THSD4: variants seen among roughly 807,000 people sequenced by gnomAD.
THSD4 encodes thrombospondin type 1 domain containing 4, also known as thrombospondin type-1 domain-containing protein 4.
THSD4 carries 69 observed loss-of-function variants against 119.0 expected under a neutral mutation model. The observed-to-expected ratio is 0.58, with a 90% CI of 0.48 to 0.71. THSD4 has a LOEUF of 0.71. Ranked by LOEUF, THSD4 falls within the 30% of genes least tolerant of loss-of-function variation. The probability of loss-of-function intolerance (pLI) is 0.00; values close to 1 mark genes in which losing one functional copy is unlikely to be tolerated. For missense variants in THSD4, 1,393 were observed against 1,391.1 expected (o/e 1.00, Z -0.02); for synonymous variants, 524 against 540.4 (o/e 0.97, Z 0.42).
chr15:71,112,433 A>G, upstream of THSD4: 1 of 456,064 alleles, frequency 2.2e-6, no homozygotes, highest in Non-Finnish European at 3.7e-6. Context: ...CTGTCCCTTT[A>G]GGAGCTGCCT....
In THSD4 at chr15:71,294,048, C is replaced by T. The variant is rs547208014; in HGVS notation, c.1015+37333C>T. On this transcript the variant is annotated intron_variant, in intron 6 of 17. Transcript: ENST00000261862. ...GCCTTTGCTTTTCTTTGTATTTTTC[C>T]TGCTTTAGTCCATTTCCCTTCTAGC... is the stretch of plus-strand genomic sequence containing the variant. Among the ~76,000 whole-genome samples, 72 of 152,088 alleles carry T rather than the reference C, an allele frequency of 4.7e-4. 1 individual carries two copies. Among genetic ancestry groups the T allele is most frequent in the African/African-American group, 1.5e-3 (64 of 41,474 alleles).
chr15:71,154,776 A>G, intron 2 of THSD4, 87 bp from the exon 3 acceptor site: 1 of 1,334,876 alleles, frequency 7.5e-7, no homozygotes, highest in Non-Finnish European at 1.1e-6. Flanking sequence ...CCCCCCATCC[A>G]CTGATGAGAT....
At chr15:71,432,377 C>T (rs1157246379) in intron 7 of THSD4, among the ~76,000 whole-genome samples, 1 of 152,180 alleles carries the variant, frequency 6.6e-6, no homozygotes, top group Non-Finnish European at 1.5e-5. Flanking sequence ...GTGAAACAAT[C>T]ATTTGTTTAA....
chr15:71,188,218 T>C (rs920126839), intron 3 of THSD4, among the ~76,000 whole-genome samples: 1 of 152,044 alleles, frequency 6.6e-6, no homozygotes, highest in African/African-American at 2.4e-5. Flanking sequence ...CTGAGAGTGA[T>C]AGGGGAGGCT....
chr15:71,658,545 G>A (rs1337022726), intron 7 of THSD4, among the ~76,000 whole-genome samples: 1 of 152,144 alleles, frequency 6.6e-6, no homozygotes, highest in African/African-American at 2.4e-5. Flanking sequence ...TTGGAATCTT[G>A]CCTTGATAAC....
rs566927583 is a variant in THSD4 at position 71,628,689 on chromosome 15, C to G, written c.1153-31841C>G. 6.2e-4 allele frequency among the ~76,000 whole-genome samples: 94 copies of G among 152,314 alleles called. 1 individual carries two copies. Among genetic ancestry groups the G allele is most frequent in the African/African-American group, 1.8e-3 (76 of 41,576 alleles). ...ACTTTGCGTAACAAGGGTGTCAATA[C>G]ACTTTGAGAATCGAATCTTGATCTT... On this transcript the variant is annotated intron_variant, in intron 7 of 17. Coordinates refer to ENST00000261862, the MANE Select transcript of THSD4 (RefSeq NM_024817.3).
intron 6 of THSD4, among the ~76,000 whole-genome samples, chr15:71,338,813 C>T (rs1019374799): frequency 1.3e-5 from 2 of 152,088 alleles, no homozygotes; most frequent in Non-Finnish European, 2.9e-5. Context: ...TCTACCCAAC[C>T]GAGTGGACCT....
At chr15:71,751,869 C>T (rs929214658) in intron 14 of THSD4, among the ~76,000 whole-genome samples, 10 of 152,080 alleles carry the variant, frequency 6.6e-5, no homozygotes, top group Non-Finnish European at 2.9e-5. Context: ...TTTTAAAAGA[C>T]TTCAGTAAGT....
intron 8 of THSD4, among the ~76,000 whole-genome samples, chr15:71,664,506 T>C (rs1164577144): frequency 2.0e-5 from 3 of 152,210 alleles, no homozygotes; most frequent in Non-Finnish European, 4.4e-5. Context: ...TTTAATCTTA[T>C]TTTTTACTTT....
In THSD4 at chr15:71,644,177, G is replaced by T. The variant is rs16955937; in HGVS notation, c.1153-16353G>T. On this transcript the variant is annotated intron_variant, in intron 7 of 17. Transcript: ENST00000261862. ...GGCTAACACCAGGGTCTAACTGATT[G>T]TGGTTAAACCAGATGATCTCTATGT... 6.4e-3 allele frequency among the ~76,000 whole-genome samples: 974 copies of T among 152,270 alleles called. 11 individuals carry two copies. The highest frequency in any genetic ancestry group is 0.022 in the African/African-American group (924 of 41,554).
In THSD4 at chr15:71,782,946, G is replaced by C. The variant is rs28458348; in HGVS notation, c.*5572G>C. 6.6e-6 allele frequency: 1 copy of C among 152,274 alleles called. No homozygotes were observed. Among genetic ancestry groups the C allele is most frequent in the Non-Finnish European group, 1.5e-5 (1 of 68,098 alleles). 9.4% of individuals were successfully genotyped at this position (152,274 alleles called of 1,614,324 possible). On this transcript the variant is annotated 3_prime_UTR_variant, in exon 18 of 18. Transcript: ENST00000261862. ...TCGGTGGGCTTGGTTAGAGCCGTGG[G>C]TGAGGCAGGTGGCTGGCGGGGACAG...
chr15:71,182,923 A>G (rs966858725), intron 3 of THSD4, among the ~76,000 whole-genome samples: 1 of 151,628 alleles, frequency 6.6e-6, no homozygotes, highest in East Asian at 1.9e-4. Context: ...GTATTTTTTT[A>G]TACATTTGAT....
chr15:71,341,430 G>T (rs1402817187), intron 6 of THSD4: 10 of 1,612,816 alleles, frequency 6.2e-6, no homozygotes, highest in Non-Finnish European at 5.9e-6. Flanking sequence ...GCGTTTTTAA[G>T]CATGTGCAGC....
At chr15:71,451,514 C>G (rs144405646) in intron 7 of THSD4, among the ~76,000 whole-genome samples, 173 of 152,296 alleles carry the variant, frequency 1.1e-3, no homozygotes, top group African/African-American at 3.9e-3. Context: ...AGTGCCTTCA[C>G]TTCTAAGTAA....
rs762273549 is a variant in THSD4, at chr15:71,771,019, T to C, written c.2770-45T>C. On this transcript the variant is annotated intron_variant, in intron 16 of 17. Transcript: ENST00000261862. ...CTTCTTTCTCCAGTGTGCTGAGCTA[T>C]TGGTCTGCCCAAAAATCTGATGTTT... 3 of 1,602,514 alleles carry C rather than the reference T, an allele frequency of 1.9e-6. 1 individual carries two copies. The Admixed American group carries it at 5.2e-5, about 28-fold the overall frequency.
intron 7 of THSD4, among the ~76,000 whole-genome samples, chr15:71,612,329 T>TGAG (rs1030104884): frequency 6.6e-6 from 1 of 152,184 alleles, no homozygotes; most frequent in Non-Finnish European, 1.5e-5. Context: ...CCGGTGGGAT[T>TGAG]GAGGCCAGAT....
intron 4 of THSD4, among the ~76,000 whole-genome samples, chr15:71,221,547 G>A (rs1044973366): frequency 2.6e-5 from 4 of 152,076 alleles, no homozygotes; most frequent in South Asian, 4.2e-4. Flanking sequence ...AGTATTTGTC[G>A]TTTTTGTGAC....
At chr15:71,571,114 T>C (rs899221376) in intron 7 of THSD4, among the ~76,000 whole-genome samples, 2 of 152,210 alleles carry the variant, frequency 1.3e-5, no homozygotes, top group Non-Finnish European at 2.9e-5. Context: ...ACATGTTTCA[T>C]TGTTCCTTCC....
At chr15:71,554,233 G>A (rs536041855) in intron 7 of THSD4, among the ~76,000 whole-genome samples, 34 of 151,404 alleles carry the variant, frequency 2.2e-4, no homozygotes, top group Non-Finnish European at 4.0e-4. Context: ...GGGACTACAG[G>A]TGCCCACCGC....
Sources: gnomAD v4.1 joint callset for allele counts (sites outside exome capture counted in the v4.1 genomes callset) on GRCh38, gnomAD v4.1.1 for gene constraint, MANE v1.5 for transcripts, NCBI Gene and HGNC (gene_info 2026-07-23, HGNC 2026-07-21) for gene names.